TNFAIP8L3: variants seen among roughly 807,000 people sequenced by gnomAD.
The protein encoded by TNFAIP8L3 is tumor necrosis factor alpha-induced protein 8-like protein 3.
In TNFAIP8L3, 7 loss-of-function variants were observed where a neutral mutation model predicts 11.8. The observed-to-expected ratio is 0.59, with a 90% CI of 0.34 to 1.11. The LOEUF is 1.11. Ranked by LOEUF, TNFAIP8L3 falls within the 50% of genes most tolerant of loss-of-function variation. TNFAIP8L3 has a pLI of 0.03. For synonymous variants in TNFAIP8L3, 98 were observed against 103.8 expected (o/e 0.94, Z 0.34); for missense variants, 219 against 258.6 (o/e 0.85, Z 1.05).
Position 51,057,856 on chromosome 15 carries a change from C to CT in TNFAIP8L3, c.*24_*25insA, listed in dbSNP as rs1382940520. Reference sequence around the variant, plus strand: ...GTTGAGTGCTGTAACTTTAAAGCAGCAAAGTCCAGTAGGAGGGAAGGCATT... The same window carrying CT: ...GTTGAGTGCTGTAACTTTAAAGCAGCTAAAGTCCAGTAGGAGGGAAGGCATT... On this transcript the variant is annotated 3_prime_UTR_variant, in exon 2 of 2. Transcript: ENST00000637513. 22 of 1,531,602 alleles carry CT rather than the reference C, an allele frequency of 1.4e-5. No homozygotes were observed. The highest frequency in any genetic ancestry group is 1.9e-5 in the Non-Finnish European group (22 of 1,138,882). The allele number at this position is 1,531,602 out of a possible 1,614,324, so 94.9% of individuals were successfully genotyped here.
In TNFAIP8L3 at chr15:51,058,448, G is replaced by T; in HGVS notation, c.53-5C>A. The T allele has an allele frequency of 7.3e-7, 1 of 1,377,272 alleles. No homozygotes were observed. The allele number at this position is 1,377,272 out of a possible 1,614,324, so 85.3% of individuals were successfully genotyped here. On this transcript the variant is annotated splice_polypyrimidine_tract_variant and splice_region_variant and intron_variant, in intron 1 of 1. Transcript: ENST00000637513. ...TTGAACTAAAAACATCAGGACCTAT[G>T]GTAAAAAAAATATATATAAAAGTTT...
Position 51,057,695 on chromosome 15 carries a change from G to C in TNFAIP8L3, c.*186C>G. The stretch of plus-strand genomic sequence containing the variant: ...ACAGGTGATTTTAAGTAGAAACCTT[G>C]CTAGAAAGCTTGGAAGAAAAACACA... On this transcript the variant is annotated 3_prime_UTR_variant, in exon 2 of 2. Coordinates refer to ENST00000637513, the MANE Select transcript of TNFAIP8L3 (RefSeq NM_001311175.2). 3 of 568,928 alleles carry C rather than the reference G, an allele frequency of 5.3e-6. No homozygotes were observed. The highest frequency in any genetic ancestry group is 9.0e-6 in the Non-Finnish European group (3 of 333,136). The allele number at this position is 568,928 out of a possible 1,614,324, so 35.2% of individuals were successfully genotyped here.
intron 1 of TNFAIP8L3, among the ~76,000 whole-genome samples, chr15:51,070,818 G>A (rs549619172): frequency 7.5e-4 from 114 of 151,528 alleles, no homozygotes; most frequent in Non-Finnish European, 1.4e-3. Context: ...AGGCCAAGGC[G>A]GGCGGATCAC....
chr15:51,067,527 T>G (rs1037018555), intron 1 of TNFAIP8L3, among the ~76,000 whole-genome samples: 9 of 152,180 alleles, frequency 5.9e-5, no homozygotes, highest in African/African-American at 1.9e-4. Context: ...ATGAGATAAA[T>G]TAAGCTTTAC....
intron 1 of TNFAIP8L3, chr15:51,104,991 G>A (rs1056720630): frequency 8.1e-6 from 13 of 1,613,970 alleles, no homozygotes; most frequent in Non-Finnish European, 1.1e-5. Flanking sequence ...GCCAGTTCCT[G>A]AGCCAGTGCT....
At chr15:51,088,474 C>T (rs1402567103) in intron 1 of TNFAIP8L3, among the ~76,000 whole-genome samples, 1 of 152,124 alleles carries the variant, frequency 6.6e-6, no homozygotes, top group African/African-American at 2.4e-5. Flanking sequence ...TTTTCTCTCC[C>T]CAATATGGCT....
chr15:51,073,544 T>C (rs968575955), intron 1 of TNFAIP8L3, among the ~76,000 whole-genome samples: 4 of 152,220 alleles, frequency 2.6e-5, no homozygotes, highest in Non-Finnish European at 5.9e-5. Context: ...TGTATACTTA[T>C]CTCCAATTGA....
In TNFAIP8L3 at chr15:51,057,968, G is replaced by C; in HGVS notation, c.528C>G (p.Thr176=). The part of the protein sequence containing the change: ...NHFADVEFLS[T]LYSLDGDCRP... ...TACAGTCTCCATCCAGACTATAGAG[G>C]GTGGAGAGGAACTCCACATCGGCAA... The change falls in exon 2 of 2, where the codon ACC becomes ACG. Residue 176 remains threonine (T), a synonymous_variant. Transcript: ENST00000637513. 1 of 1,614,098 alleles carries C rather than the reference G, an allele frequency of 6.2e-7. No homozygotes were observed. The highest frequency in any genetic ancestry group is 8.5e-7 in the Non-Finnish European group (1 of 1,179,994).
intron 1 of TNFAIP8L3, among the ~76,000 whole-genome samples, chr15:51,066,883 A>C (rs1009656222): frequency 6.6e-6 from 1 of 152,196 alleles, no homozygotes; most frequent in African/African-American, 2.4e-5. Flanking sequence ...CAGTGGATTC[A>C]AACTAGAAAA....
At chr15:51,075,157 G>A (rs1381851372) in intron 1 of TNFAIP8L3, among the ~76,000 whole-genome samples, 1 of 152,210 alleles carries the variant, frequency 6.6e-6, no homozygotes, top group African/African-American at 2.4e-5. Context: ...CCCACACCTG[G>A]AAGGAGGTGC....
intron 1 of TNFAIP8L3, among the ~76,000 whole-genome samples, chr15:51,062,077 C>T (rs560051885): frequency 4.6e-5 from 7 of 152,100 alleles, no homozygotes; most frequent in African/African-American, 1.7e-4. Flanking sequence ...AGTTTGAGAC[C>T]ATCCTGGGCA....
At chr15:51,083,727 A>G (rs1269025097) in intron 1 of TNFAIP8L3, among the ~76,000 whole-genome samples, 1 of 152,178 alleles carries the variant, frequency 6.6e-6, no homozygotes, top group East Asian at 1.9e-4. Flanking sequence ...TCAGAGCAGG[A>G]GGTGGTGATG....
intron 1 of TNFAIP8L3, among the ~76,000 whole-genome samples, chr15:51,059,196 C>T (rs2065226592): frequency 6.6e-6 from 1 of 152,074 alleles, no homozygotes. Flanking sequence ...ATCAAAGATG[C>T]TAGAGATGAG....
intron 1 of TNFAIP8L3, among the ~76,000 whole-genome samples, chr15:51,071,034 G>C (rs1160462969): frequency 9.1e-6 from 1 of 109,532 alleles, no homozygotes; most frequent in East Asian, 3.3e-4. Context: ...CTGGGCGACA[G>C]AGCGAGACTC....
At chr15:51,062,263 G>T (rs2065246364) in intron 1 of TNFAIP8L3, among the ~76,000 whole-genome samples, 1 of 150,786 alleles carries the variant, frequency 6.6e-6, no homozygotes, top group African/African-American at 2.4e-5. Context: ...GACAGAGTGA[G>T]ACTCTGTCTC....
At position 51,094,656 on chromosome 15, in the gene TNFAIP8L3, C is replaced by T; in HGVS notation, c.-61G>A. Reference sequence around the variant, plus strand: ...GCCCGTCTGCGGGGCGCTCGGGCAGCCGCGGCGCACTCAGGGCGGACAGCG... The same window carrying T: ...GCCCGTCTGCGGGGCGCTCGGGCAGTCGCGGCGCACTCAGGGCGGACAGCG... On this transcript the variant is annotated 5_prime_UTR_variant, in exon 1 of 2. Transcript: ENST00000637513. The surrounding 1 kb of genome is among the most constrained non-coding windows in gnomAD (Gnocchi z 4.4). The T allele has an allele frequency of 1.5e-6, 2 of 1,349,126 alleles. No homozygotes were observed. The highest frequency in any genetic ancestry group is 3.2e-5 in the Admixed American group (1 of 30,838). The allele number at this position is 1,349,126 out of a possible 1,614,324, so 83.6% of individuals were successfully genotyped here.
At chr15:51,076,480 A>T (rs1467306276) in intron 1 of TNFAIP8L3, among the ~76,000 whole-genome samples, 1 of 152,212 alleles carries the variant, frequency 6.6e-6, no homozygotes, top group Non-Finnish European at 1.5e-5. Flanking sequence ...AAGGCCACAA[A>T]TGGCTAAGAA....
chr15:51,092,636 G>C (rs138721652), intron 1 of TNFAIP8L3, among the ~76,000 whole-genome samples: 1 of 152,352 alleles, frequency 6.6e-6, no homozygotes, highest in Non-Finnish European at 1.5e-5. Context: ...CACGAGAGCT[G>C]TCTGCCCTGT....
intron 1 of TNFAIP8L3, 111 bp from the exon 2 acceptor site, chr15:51,058,554 T>G: frequency 1.0e-6 from 1 of 1,000,828 alleles, no homozygotes; most frequent in Non-Finnish European, 1.4e-6. Flanking sequence ...CAAAAACTCA[T>G]GTCTTTATAT....
Sources: gnomAD v4.1 joint callset for allele counts (sites outside exome capture counted in the v4.1 genomes callset) on GRCh38, gnomAD v4.1.1 for gene constraint, Gnocchi (gnomAD v3.1) non-coding constraint, MANE v1.5 for transcripts, NCBI Gene and HGNC (gene_info 2026-07-23, HGNC 2026-07-21) for gene names.